Variants in GRK3 observed in about 807,000 individuals in gnomAD.
GRK3 encodes the protein G protein-coupled receptor kinase 3, also known as adrenergic, beta, receptor kinase 2.
GRK3 carries 54 observed loss-of-function variants against 95.7 expected under a neutral mutation model. The ratio of observed to expected loss-of-function variants is 0.56; its 90% CI spans 0.45 to 0.71. The LOEUF is 0.71. Among genes scored for constraint, GRK3 ranks in the 30% least tolerant of loss-of-function variants. GRK3 has a pLI of 0.00. For missense variants in GRK3, 649 were observed against 851.2 expected, an observed-to-expected ratio of 0.76 and a Z score of 2.96; for synonymous variants, 281 against 290.8, an observed-to-expected ratio of 0.97 and a Z score of 0.34.
At chr22:25,647,449 A>G in intron 3 of GRK3, 1 of 1,311,406 alleles carries the variant, frequency 7.6e-7, no homozygotes, top group Non-Finnish European at 1.1e-6. Context: ...TACCATTTGG[A>G]GGATCCTCAG....
intron 12 of GRK3, among the ~76,000 whole-genome samples, chr22:25,694,893 G>A (rs2085194635): frequency 6.6e-6 from 1 of 152,138 alleles, no homozygotes; most frequent in Non-Finnish European, 1.5e-5. Context: ...TATTTCATAC[G>A]CTTATTTATG....
chr22:25,717,196 T>C (rs554595058), intron 18 of GRK3, among the ~76,000 whole-genome samples: 1 of 152,308 alleles, frequency 6.6e-6, no homozygotes, highest in Admixed American at 6.5e-5. Flanking sequence ...GCAAACACCA[T>C]GCCATTTTAT....
At chr22:25,609,146 T>A (rs2084475583) in intron 2 of GRK3, among the ~76,000 whole-genome samples, 1 of 152,204 alleles carries the variant, frequency 6.6e-6, no homozygotes, top group South Asian at 2.1e-4. Context: ...TCAGTTATAG[T>A]TAAGATTCTT....
chr22:25,594,086 C>T (rs529745242), intron 1 of GRK3, among the ~76,000 whole-genome samples: 2 of 152,100 alleles, frequency 1.3e-5, no homozygotes, highest in African/African-American at 4.8e-5. Context: ...GCTATTTGGG[C>T]TCTTTTTTTA....
At chr22:25,609,712 A>G (rs567290300) in intron 2 of GRK3, among the ~76,000 whole-genome samples, 2 of 152,328 alleles carry the variant, frequency 1.3e-5, no homozygotes, top group African/African-American at 4.8e-5. Context: ...TATATCACAT[A>G]CTGCCATTAA....
intron 1 of GRK3, among the ~76,000 whole-genome samples, chr22:25,587,180 C>T (rs1263686500): frequency 3.3e-5 from 5 of 152,136 alleles, no homozygotes; most frequent in South Asian, 2.1e-4. Flanking sequence ...CGTGAGCCAC[C>T]GTGCCCAGTG....
chr22:25,608,766 C>T (rs2084472348), intron 2 of GRK3, among the ~76,000 whole-genome samples: 1 of 152,208 alleles, frequency 6.6e-6, no homozygotes, highest in South Asian at 2.1e-4. Context: ...TGACCGACAC[C>T]TTGAATTTGT....
chr22:25,685,221 C>G lies in GRK3; in HGVS notation c.799C>G (p.Leu267Val). Residue 267 changes from leucine (L) to valine (V), a missense_variant, in exon 10 of 21, where the codon CTC (leucine) becomes GTC (valine). Transcript: ENST00000324198. The stretch of plus-strand genomic sequence containing the variant: ...CTATGCCTTCCATACCCCAGATAAA[C>G]TCTGCTTCATCCTGGATCTGATGAA... ...MTYAFHTPDK[L>V]CFILDLMNGG... 1 of 1,613,468 alleles carries G rather than the reference C, an allele frequency of 6.2e-7. No homozygotes were observed. Among genetic ancestry groups the G allele is most frequent in the South Asian group, 1.1e-5 (1 of 91,070 alleles).
chr22:25,612,159 G>C (rs1457649619), intron 2 of GRK3, among the ~76,000 whole-genome samples: 1 of 151,968 alleles, frequency 6.6e-6, no homozygotes, highest in Non-Finnish European at 1.5e-5. Flanking sequence ...AGAGCTTTTT[G>C]CCTAACAAAT....
At chr22:25,673,720 C>T (rs1183615756) in intron 7 of GRK3, among the ~76,000 whole-genome samples, 1 of 152,022 alleles carries the variant, frequency 6.6e-6, no homozygotes, top group Non-Finnish European at 1.5e-5. Context: ...CTTACGGCCT[C>T]TTACGTGAAA....
At chr22:25,625,583 A>G (rs2146362729) in intron 2 of GRK3, among the ~76,000 whole-genome samples, 1 of 152,230 alleles carries the variant, frequency 6.6e-6, no homozygotes, top group Admixed American at 6.5e-5. Flanking sequence ...GGAAGTTTAG[A>G]GAAGACTCTG....
At position 25,728,709 on chromosome 22, in the gene GRK3, T is replaced by G. The variant is rs2085493405; in HGVS notation, c.*6259T>G. ...TAAGAGTAGCACATTTGAGTGTGACTTTTTCCCCCCTTCACTATTTCAAAA... is the reference window on the plus strand; with the variant it reads ...TAAGAGTAGCACATTTGAGTGTGACGTTTTCCCCCCTTCACTATTTCAAAA... On this transcript the variant is annotated 3_prime_UTR_variant, in exon 21 of 21. Transcript: ENST00000324198. 6.6e-6 allele frequency: 1 copy of G among 151,984 alleles called. No individual in the cohort carries two copies. The highest frequency in any genetic ancestry group is 1.5e-5 in the Non-Finnish European group (1 of 67,988). The allele number at this position is 151,984 out of a possible 1,614,324, so 9.4% of individuals were successfully genotyped here.
Position 25,704,192 on chromosome 22 carries a change from G to A in GRK3, c.1311G>A (p.Leu437=). 6.2e-7 allele frequency: 1 copy of A among 1,612,762 alleles called. No homozygotes were observed. The highest frequency in any genetic ancestry group is 8.5e-7 in the Non-Finnish European group (1 of 1,179,266). ...GLLQRDVSKR[L]GCHGGGSQEV... The stretch of plus-strand genomic sequence containing the variant: ...TTCAGCGAGACGTTAGCAAGCGGCT[G>A]GGCTGTCACGGAGGCGGGTAGGCCA... Residue 437 remains leucine (L), a synonymous_variant, in exon 15 of 21, where the codon CTG becomes CTA. Coordinates refer to ENST00000324198, the MANE Select transcript of GRK3 (RefSeq NM_005160.4).
At chr22:25,566,612 G>A (rs763835630) in intron 1 of GRK3, among the ~76,000 whole-genome samples, 2 of 152,102 alleles carry the variant, frequency 1.3e-5, no homozygotes, top group African/African-American at 2.4e-5. Flanking sequence ...CTGCAATGTC[G>A]TGAGTTTAAC....
rs1411387765 is a variant in GRK3 at position 25,726,911 on chromosome 22, C to CTG, written c.*4461_*4462insTG. 4 of 108,034 alleles carry CTG rather than the reference C, an allele frequency of 3.7e-5. No homozygotes were observed. Among genetic ancestry groups the CTG allele is most frequent in the African/African-American group, 7.2e-5 (2 of 27,714 alleles). The allele number at this position is 108,034 out of a possible 1,614,324, so 6.7% of individuals were successfully genotyped here. ...ATTACCAGGCCATCTCCAAAACACC[C>CTG]CGTGTGTGTGTGTGTGTGTGTGTGT... On this transcript the variant is annotated 3_prime_UTR_variant, in exon 21 of 21. Coordinates refer to ENST00000324198, the MANE Select transcript of GRK3 (RefSeq NM_005160.4).
intron 2 of GRK3, among the ~76,000 whole-genome samples, chr22:25,614,223 G>A (rs564239112): frequency 1.3e-5 from 2 of 152,062 alleles, no homozygotes; most frequent in Non-Finnish European, 2.9e-5. Context: ...AACCTCCTGG[G>A]CTCAAGCAGT....
At chr22:25,714,370 G>T in intron 17 of GRK3, 38 bp from the exon 18 acceptor site, 1 of 1,580,260 alleles carries the variant, frequency 6.3e-7, no homozygotes, top group Non-Finnish European at 8.6e-7. Flanking sequence ...TTGTAAGTAT[G>T]TTAAATCATA....
At chr22:25,565,858 T>TA (rs1569145890) in intron 1 of GRK3, among the ~76,000 whole-genome samples, 1 of 152,108 alleles carries the variant, frequency 6.6e-6, no homozygotes, top group South Asian at 2.1e-4. Context: ...GGCACTTTAT[T>TA]AAAAAATTGA....
At chr22:25,641,602 A>T (rs976124370) in intron 2 of GRK3, among the ~76,000 whole-genome samples, 7 of 152,248 alleles carry the variant, frequency 4.6e-5, no homozygotes, top group African/African-American at 1.4e-4. Flanking sequence ...GATGCGAGAT[A>T]GAGACAGCAG....
Sources: allele counts gnomAD v4.1 joint callset (sites outside exome capture counted in the v4.1 genomes callset), GRCh38; gene constraint gnomAD v4.1.1; transcripts MANE v1.5; gene names NCBI Gene and HGNC (gene_info 2026-07-23, HGNC 2026-07-21).